ARHGEF28: variants seen among roughly 807,000 people sequenced by gnomAD.
The protein encoded by ARHGEF28 is Rho guanine nucleotide exchange factor 28, also known as 190 kDa guanine nucleotide exchange factor.
In ARHGEF28, 152 loss-of-function variants were observed where a neutral mutation model predicts 206.6. The observed-to-expected ratio is 0.74, with a 90% CI of 0.64 to 0.84. The LOEUF is 0.84. Ranked by LOEUF, ARHGEF28 falls within the 40% of genes least tolerant of loss-of-function variation. The probability of loss-of-function intolerance (pLI) is 0.00; values close to 1 mark genes in which losing one functional copy is unlikely to be tolerated. For missense variants in ARHGEF28, 2,028 were observed against 2,073.2 expected, an observed-to-expected ratio of 0.98 and a Z score of 0.42; for synonymous variants, 763 against 776.4, an observed-to-expected ratio of 0.98 and a Z score of 0.29.
At chr5:73,775,346 C>T (rs1474100314) in intron 5 of ARHGEF28, among the ~76,000 whole-genome samples, 1 of 152,170 alleles carries the variant, frequency 6.6e-6, no homozygotes, top group African/African-American at 2.4e-5. Context: ...GATGATAGAG[C>T]TTCCATATTC....
intron 7 of ARHGEF28, among the ~76,000 whole-genome samples, chr5:73,785,636 A>G (rs1013745499): frequency 6.6e-5 from 10 of 152,180 alleles, no homozygotes; most frequent in African/African-American, 2.4e-4. Flanking sequence ...GAGAACAACT[A>G]CAGTACCATT....
At chr5:73,702,885 G>T (rs1182664777) in intron 2 of ARHGEF28, among the ~76,000 whole-genome samples, 1 of 152,122 alleles carries the variant, frequency 6.6e-6, no homozygotes, top group African/African-American at 2.4e-5. Context: ...GATTAAAGTT[G>T]ATTTATGCAT....
At chr5:73,633,559 C>T (rs955412622) in intron 1 of ARHGEF28, among the ~76,000 whole-genome samples, 2 of 147,152 alleles carry the variant, frequency 1.4e-5, no homozygotes, top group Middle Eastern at 3.5e-3. Context: ...CCTCAATAAA[C>T]AATACCTTTA....
intron 14 of ARHGEF28, among the ~76,000 whole-genome samples, chr5:73,856,428 A>G (rs1054764803): frequency 1.8e-4 from 28 of 152,108 alleles, no homozygotes; most frequent in South Asian, 6.2e-4. Flanking sequence ...TGTTCTGACT[A>G]TACCTTTAGA....
At chr5:73,681,202 A>G (rs1747078427) in intron 1 of ARHGEF28, among the ~76,000 whole-genome samples, 1 of 151,992 alleles carries the variant, frequency 6.6e-6, no homozygotes, top group African/African-American at 2.4e-5. Flanking sequence ...TTTGTGAAAG[A>G]CTGGAATTGT....
intron 9 of ARHGEF28, among the ~76,000 whole-genome samples, chr5:73,818,236 T>A (rs981224927): frequency 2.6e-5 from 4 of 152,134 alleles, no homozygotes; most frequent in Non-Finnish European, 5.9e-5. Flanking sequence ...TTTGGACTAT[T>A]TCATGAGCTC....
chr5:73,915,038 C>G (rs1763131134), intron 35 of ARHGEF28, among the ~76,000 whole-genome samples: 1 of 152,238 alleles, frequency 6.6e-6, no homozygotes, highest in East Asian at 1.9e-4. Context: ...CAGTGCCCAG[C>G]CATGAGTTGT....
chr5:73,807,142 C>T (rs1755561489), intron 9 of ARHGEF28, among the ~76,000 whole-genome samples: 1 of 150,494 alleles, frequency 6.6e-6, no homozygotes, highest in Admixed American at 6.6e-5. Context: ...ATTTCTTTCT[C>T]CTTAGGCTAT....
intron 20 of ARHGEF28, among the ~76,000 whole-genome samples, chr5:73,869,270 T>C (rs1668987685): frequency 6.6e-6 from 1 of 151,768 alleles, no homozygotes; most frequent in East Asian, 1.9e-4. Flanking sequence ...TTGTTTGTAA[T>C]TTCATCAGAA....
chr5:73,809,215 C>A (rs182808530), intron 9 of ARHGEF28, among the ~76,000 whole-genome samples: 8,904 of 147,966 alleles, frequency 0.06, 378 homozygotes, highest in African/African-American at 0.12. Context: ...AAAAAAAAAA[C>A]AAAACACAAA....
intron 1 of ARHGEF28, among the ~76,000 whole-genome samples, chr5:73,648,569 T>C (rs530406419): frequency 6.6e-6 from 1 of 152,346 alleles, no homozygotes; most frequent in South Asian, 2.1e-4. Flanking sequence ...TCTCATTAAA[T>C]GAAATGGAGG....
intron 2 of ARHGEF28, among the ~76,000 whole-genome samples, chr5:73,746,532 T>G (rs575110292): frequency 6.6e-6 from 1 of 152,240 alleles, no homozygotes; most frequent in East Asian, 1.9e-4. Context: ...TCAATGCAGA[T>G]GAAATCTAAA....
chr5:73,684,108 A>G (rs1747285237), intron 1 of ARHGEF28, among the ~76,000 whole-genome samples: 1 of 152,126 alleles, frequency 6.6e-6, no homozygotes, highest in Admixed American at 6.5e-5. Flanking sequence ...CCATTTTTTC[A>G]GGTACAACTC....
chr5:73,887,657 A>T lies in ARHGEF28; in HGVS notation c.3365A>T (p.Gln1122Leu). 1.3e-6 allele frequency: 2 copies of T among 1,573,818 alleles called. No homozygotes were observed. The highest frequency in any genetic ancestry group is 1.7e-6 in the Non-Finnish European group (2 of 1,157,904). The change falls in exon 26 of 36, where the codon CAG (glutamine) becomes CTG (leucine). Residue 1122 changes from glutamine to leucine, a missense_variant. Gln to Leu is a moderately radical substitution (Grantham distance 113). Coordinates refer to ENST00000513042, the MANE Select transcript of ARHGEF28 (RefSeq NM_001177693.2). ...DVLLFLQEKD[Q>L]KYIFAAVDQK... is the part of the protein sequence containing the mutation. ...CTGCTCTTTTTACAAGAAAAAGACC[A>T]GAAATACATCTTTGCAGCCGTTGTA... is the stretch of plus-strand genomic sequence containing the variant.
At chr5:73,711,137 G>A (rs546366256) in intron 2 of ARHGEF28, among the ~76,000 whole-genome samples, 3 of 152,126 alleles carry the variant, frequency 2.0e-5, no homozygotes, top group South Asian at 2.1e-4. Context: ...TTATTTTAAC[G>A]TATTTTATTA....
intron 35 of ARHGEF28, among the ~76,000 whole-genome samples, chr5:73,912,811 T>C (rs909376664): frequency 2.6e-5 from 4 of 152,220 alleles, no homozygotes; most frequent in African/African-American, 9.7e-5. Context: ...TGCAGAATTC[T>C]TTTTCTAAGC....
intron 4 of ARHGEF28, among the ~76,000 whole-genome samples, chr5:73,762,864 C>G (rs902980517): frequency 2.6e-5 from 4 of 152,158 alleles, no homozygotes; most frequent in Non-Finnish European, 5.9e-5. Flanking sequence ...CCATATACTA[C>G]TTAAGTGAGC....
intron 11 of ARHGEF28, among the ~76,000 whole-genome samples, chr5:73,841,060 A>G (rs927099356): frequency 6.6e-6 from 1 of 152,218 alleles, no homozygotes; most frequent in African/African-American, 2.4e-5. Flanking sequence ...ATTCCTGCAT[A>G]AAGATGATAG....
At chr5:73,738,482 C>CGT (rs59149035) in intron 2 of ARHGEF28, among the ~76,000 whole-genome samples, 38,775 of 145,362 alleles carry the variant, frequency 0.27, 5,227 homozygotes, top group East Asian at 0.5. Flanking sequence ...AGAGTGGCCT[C>CGT]GTGTGTGTGT....
Sources: gnomAD v4.1 joint callset for allele counts (sites outside exome capture counted in the v4.1 genomes callset) on GRCh38, gnomAD v4.1.1 for gene constraint, MANE v1.5 for transcripts, NCBI Gene and HGNC (gene_info 2026-07-23, HGNC 2026-07-21) for gene names.